SORCS3: variants seen among roughly 807,000 people sequenced by gnomAD.
SORCS3 encodes sortilin related VPS10 domain containing receptor 3.
A neutral mutation model predicts 146.3 loss-of-function variants in SORCS3; 57 were observed. The observed-to-expected ratio is 0.39, with a 90% CI of 0.31 to 0.49. SORCS3 has a LOEUF of 0.49. Ranked by LOEUF, SORCS3 falls within the 20% of genes least tolerant of loss-of-function variation. The pLI, the probability that SORCS3 is intolerant of heterozygous loss-of-function variation, is 0.92. For synonymous variants in SORCS3, 653 were observed against 618.5 expected, an observed-to-expected ratio of 1.06 and a Z score of -0.83; for missense variants, 1,341 against 1,575.5, an observed-to-expected ratio of 0.85 and a Z score of 2.52.
chr10:105,211,248 T>C lies in SORCS3; in HGVS notation c.2373T>C (p.Thr791=), dbSNP rs761074940. The change falls in exon 17 of 27, where the codon ACT becomes ACC. Residue 791 remains threonine (T), a splice_region_variant and synonymous_variant. Coordinates refer to ENST00000369701, the MANE Select transcript of SORCS3 (RefSeq NM_014978.3). ...CSLGQSYLNS[T]GYRRIVSNNC... ...TTGGTCAAAGCTACCTTAACAGCACTGGGTAAGTAAAACACCTACAGGAAC... is the reference window on the plus strand; with the variant it reads ...TTGGTCAAAGCTACCTTAACAGCACCGGGTAAGTAAAACACCTACAGGAAC... The C allele has an allele frequency of 6.2e-7, 1 of 1,611,250 alleles. No individual in the cohort carries two copies. The highest frequency in any genetic ancestry group is 8.5e-7 in the Non-Finnish European group (1 of 1,177,440).
intron 1 of SORCS3, among the ~76,000 whole-genome samples, chr10:104,737,825 G>C (rs372577175): frequency 0.022 from 3,245 of 149,314 alleles, 51 homozygotes; most frequent in Middle Eastern, 0.093. Flanking sequence ...ATTGCTTTTG[G>C]TGTTTTAGAC....
At chr10:105,157,060 C>T (rs1178446978) in intron 9 of SORCS3, 78 bp from the exon 10 acceptor site, 6 of 1,517,364 alleles carry the variant, frequency 4.0e-6, no homozygotes, top group Non-Finnish European at 5.4e-6. Flanking sequence ...GGAAATTCTG[C>T]GGCTTCTCTA....
intron 3 of SORCS3, among the ~76,000 whole-genome samples, chr10:104,957,385 A>G (rs2019505960): frequency 6.6e-6 from 1 of 152,188 alleles, no homozygotes; most frequent in African/African-American, 2.4e-5. Context: ...GCTCTTAATG[A>G]GAAGCGATTA....
At chr10:104,728,636 G>A (rs79868650) in intron 1 of SORCS3, among the ~76,000 whole-genome samples, 1 of 152,144 alleles carries the variant, frequency 6.6e-6, no homozygotes, top group East Asian at 1.9e-4. Flanking sequence ...CAGGCTCAAG[G>A]CCGTTTACAC....
chr10:105,154,069 G>GAAAAAAAAA (rs59868914), intron 9 of SORCS3, among the ~76,000 whole-genome samples: 4 of 76,158 alleles, frequency 5.3e-5, no homozygotes, highest in Non-Finnish European at 9.7e-5. Flanking sequence ...GACTCCATCT[G>GAAAAAAAAA]AAAAAAAAAA....
intron 1 of SORCS3, chr10:104,665,629 C>G (rs2015765405): frequency 6.6e-6 from 1 of 152,256 alleles, no homozygotes; most frequent in Non-Finnish European, 1.5e-5. Context: ...TCCCTGGTGG[C>G]AGACATTCCT....
At chr10:105,208,772 G>A (rs1230332226) in intron 16 of SORCS3, among the ~76,000 whole-genome samples, 1 of 151,874 alleles carries the variant, frequency 6.6e-6, no homozygotes, top group East Asian at 1.9e-4. Context: ...CCATTAATTA[G>A]CTTGCAAAAT....
intron 25 of SORCS3, 69 bp downstream of exon 25, chr10:105,256,993 A>T (rs2056935509): frequency 5.7e-6 from 6 of 1,049,756 alleles, no homozygotes; most frequent in Non-Finnish European, 8.9e-6. Context: ...CCTATAACTA[A>T]CTTTACTAAA....
intron 5 of SORCS3, among the ~76,000 whole-genome samples, chr10:105,058,701 A>G (rs545559424): frequency 6.6e-6 from 1 of 152,146 alleles, no homozygotes; most frequent in Non-Finnish European, 1.5e-5. Context: ...TTGGGGCACT[A>G]GTAGGATTTC....
At chr10:104,681,728 T>C (rs904803865) in intron 1 of SORCS3, among the ~76,000 whole-genome samples, 1 of 152,164 alleles carries the variant, frequency 6.6e-6, no homozygotes, top group Admixed American at 6.5e-5. Context: ...CTAGCCTCTC[T>C]GTTCTCCAAT....
intron 7 of SORCS3, among the ~76,000 whole-genome samples, chr10:105,114,844 A>C (rs2055882847): frequency 6.6e-6 from 1 of 152,200 alleles, no homozygotes; most frequent in African/African-American, 2.4e-5. Flanking sequence ...GAGCAATAAC[A>C]TGTATCAGAC....
intron 3 of SORCS3, among the ~76,000 whole-genome samples, chr10:104,945,842 A>G (rs4918141): frequency 0.1 from 15,432 of 151,344 alleles, 884 homozygotes; most frequent in South Asian, 0.27. Flanking sequence ...CTTGAGTCAC[A>G]CTGGAGAAGC....
intron 1 of SORCS3, among the ~76,000 whole-genome samples, chr10:104,786,031 A>G (rs1389255708): frequency 6.6e-6 from 1 of 152,228 alleles, no homozygotes; most frequent in Admixed American, 6.5e-5. Context: ...TATCAACATT[A>G]GGGTGCATGA....
intron 1 of SORCS3, among the ~76,000 whole-genome samples, chr10:104,800,175 G>A (rs2017608435): frequency 2.0e-5 from 3 of 151,806 alleles, no homozygotes; most frequent in Non-Finnish European, 2.9e-5. Context: ...GAAAATATAT[G>A]TAGAAACTTT....
chr10:104,652,816 G>T (rs1453022354), intron 1 of SORCS3, among the ~76,000 whole-genome samples: 1 of 152,156 alleles, frequency 6.6e-6, no homozygotes, highest in East Asian at 1.9e-4. Flanking sequence ...GTGTTTCAGA[G>T]CACCTAGTAT....
intron 3 of SORCS3, among the ~76,000 whole-genome samples, chr10:104,953,907 C>A (rs556081866): frequency 6.6e-6 from 1 of 152,104 alleles, no homozygotes; most frequent in African/African-American, 2.4e-5. Context: ...AAAATAGCAA[C>A]CTAACATAGG....
chr10:105,152,230 C>T (rs1490789342), intron 9 of SORCS3, among the ~76,000 whole-genome samples: 1 of 152,158 alleles, frequency 6.6e-6, no homozygotes, highest in Non-Finnish European at 1.5e-5. Flanking sequence ...GCATACCTGG[C>T]AATGCTTTAG....
At chr10:105,176,945 G>A (rs12356723) in intron 13 of SORCS3, among the ~76,000 whole-genome samples, 11,351 of 149,068 alleles carry the variant, frequency 0.076, 629 homozygotes, top group Admixed American at 0.15. Flanking sequence ...TAAATATTAT[G>A]TGCATATATT....
At chr10:104,693,669 C>A (rs1447118001) in intron 1 of SORCS3, among the ~76,000 whole-genome samples, 1 of 152,090 alleles carries the variant, frequency 6.6e-6, no homozygotes, top group Non-Finnish European at 1.5e-5. Flanking sequence ...CTGTGTACCA[C>A]CACTCTCCAT....
Sources: gnomAD v4.1 joint callset for allele counts (sites outside exome capture counted in the v4.1 genomes callset) on GRCh38, gnomAD v4.1.1 for gene constraint, MANE v1.5 for transcripts, NCBI Gene and HGNC (gene_info 2026-07-23, HGNC 2026-07-21) for gene names.